The following NUP210L variants were observed in gnomAD, a reference collection of about 807,000 sequenced individuals.
NUP210L encodes nucleoporin 210 like, also known as nuclear pore membrane glycoprotein 210-like.
Under a neutral mutation model 208.5 loss-of-function variants are expected in NUP210L, and 74 were observed. The ratio of observed to expected loss-of-function variants is 0.35; its 90% CI spans 0.29 to 0.43. The LOEUF (loss-of-function observed/expected upper bound fraction) is 0.43. Ranked by LOEUF, NUP210L falls within the 20% of genes least tolerant of loss-of-function variation. The pLI is 1.00. For missense variants in NUP210L, 1,843 were observed against 2,289.4 expected (o/e 0.81, Z 3.98); for synonymous variants, 780 against 816.9 (o/e 0.95, Z 0.77).
intron 14 of NUP210L, among the ~76,000 whole-genome samples, chr1:154,096,489 G>C (rs1252227750): frequency 6.6e-6 from 1 of 152,128 alleles, no homozygotes; most frequent in Non-Finnish European, 1.5e-5. Flanking sequence ...GGCCAGGTGC[G>C]GTAGCTCATG....
exon 20 of NUP210L, chr1:154,060,544 A>G: frequency 6.2e-7 from 1 of 1,607,394 alleles, no homozygotes; most frequent in Non-Finnish European, 8.5e-7. Context: ...GCTCACCTCA[A>G]CAGAGCTTTC....
At chr1:154,143,607 A>T (rs2148148378) in intron 2 of NUP210L, 30 bp from the exon 3 acceptor site, 1 of 1,589,474 alleles carries the variant, frequency 6.3e-7, no homozygotes, top group African/African-American at 1.3e-5. Context: ...TGAGTATTTA[A>T]TTCAATAGGT....
chr1:154,091,739 G>A (rs1171096608), intron 15 of NUP210L, among the ~76,000 whole-genome samples: 2 of 151,484 alleles, frequency 1.3e-5, no homozygotes, highest in Admixed American at 6.6e-5. Context: ...GAACTCAAAT[G>A]ATCTGCCCGC....
Position 153,995,051 on chromosome 1 carries a change from A to G in NUP210L, c.5491+25T>C, listed in dbSNP as rs550326267. ...AAAGGCAGTTTTCATGTCAAAGTCT[A>G]TGTTATTGAATATAAGGACTCTACC... On this transcript the variant is annotated intron_variant, in intron 38 of 39. Coordinates refer to ENST00000368559, the Ensembl canonical transcript of NUP210L. 13 of 1,374,022 alleles carry G rather than the reference A, an allele frequency of 9.5e-6. No individual in the cohort carries two copies. The Admixed American group carries it at 1.6e-4, about 17-fold the overall frequency. The allele number at this position is 1,374,022 out of a possible 1,614,324, so 85.1% of individuals were successfully genotyped here.
chr1:154,050,937 G>A (rs557907437), intron 25 of NUP210L, among the ~76,000 whole-genome samples: 2 of 152,242 alleles, frequency 1.3e-5, no homozygotes, highest in African/African-American at 2.4e-5. Flanking sequence ...TGTAATTGAG[G>A]TATTGACTGC....
At chr1:153,996,424 C>T (rs987988640) in intron 37 of NUP210L, among the ~76,000 whole-genome samples, 3 of 152,068 alleles carry the variant, frequency 2.0e-5, no homozygotes, top group African/African-American at 7.2e-5. Context: ...TATCTTGAAA[C>T]ATTTTCTTTT....
At chr1:154,026,509 T>C (rs1260859398) in intron 29 of NUP210L, among the ~76,000 whole-genome samples, 3 of 151,808 alleles carry the variant, frequency 2.0e-5, no homozygotes, top group African/African-American at 7.2e-5. Context: ...CAACCACCCC[T>C]GGCTAATTTA....
chr1:154,028,206 C>T (rs1652008373), intron 28 of NUP210L, among the ~76,000 whole-genome samples: 1 of 152,088 alleles, frequency 6.6e-6, no homozygotes, highest in Non-Finnish European at 1.5e-5. Flanking sequence ...AGCTTTTAGC[C>T]CAAGAATATC....
chr1:154,139,710 G>T, intron 5 of NUP210L, 92 bp downstream of exon 5: 4 of 864,696 alleles, frequency 4.6e-6, no homozygotes, highest in Non-Finnish European at 1.8e-6. Context: ...AAAACAGGGC[G>T]GGTAGTGCAT....
intron 12 of NUP210L, 133 bp from the exon 13 acceptor site, chr1:154,104,343 C>A: frequency 1.4e-6 from 1 of 695,938 alleles, no homozygotes; most frequent in South Asian, 1.8e-5. Flanking sequence ...AATGACTATC[C>A]ATACAAGAAG....
intron 6 of NUP210L, among the ~76,000 whole-genome samples, chr1:154,136,452 A>T (rs1658551959): frequency 2.0e-5 from 3 of 151,808 alleles, no homozygotes; most frequent in Middle Eastern, 3.4e-3. Context: ...ACTCCGTCTC[A>T]AAATAAATAA....
chr1:154,063,824 G>A (rs1050628478), intron 17 of NUP210L, among the ~76,000 whole-genome samples: 3 of 151,936 alleles, frequency 2.0e-5, no homozygotes, highest in African/African-American at 7.2e-5. Context: ...ATTCAGACTT[G>A]TATTGTGAAG....
At chr1:154,100,549 G>A (rs376031558) in intron 13 of NUP210L, among the ~76,000 whole-genome samples, 85 of 114,164 alleles carry the variant, frequency 7.4e-4, no homozygotes, top group East Asian at 2.0e-3. Flanking sequence ...ATGGAGTCTC[G>A]CTCTTGTTGC....
intron 25 of NUP210L, among the ~76,000 whole-genome samples, chr1:154,052,271 T>C (rs557374095): frequency 1.3e-5 from 2 of 152,186 alleles, no homozygotes; most frequent in South Asian, 4.1e-4. Context: ...AACAGCCGAT[T>C]TGGATACCAT....
At chr1:154,105,058 G>C (rs973279219) in intron 12 of NUP210L, among the ~76,000 whole-genome samples, 3 of 152,160 alleles carry the variant, frequency 2.0e-5, no homozygotes, top group Non-Finnish European at 1.5e-5. Flanking sequence ...TAGAGCATGA[G>C]GCAGAGTCAC....
intron 27 of NUP210L, among the ~76,000 whole-genome samples, chr1:154,041,052 C>A (rs766893045): frequency 2.0e-5 from 3 of 152,074 alleles, no homozygotes; most frequent in Non-Finnish European, 4.4e-5. Context: ...GCAAACTCAA[C>A]CTCCTGGGCT....
intron 27 of NUP210L, among the ~76,000 whole-genome samples, chr1:154,043,001 C>G (rs1652976424): frequency 6.9e-6 from 1 of 144,006 alleles, no homozygotes; most frequent in African/African-American, 2.6e-5. Context: ...TGTGAGCCAC[C>G]ACACCCAGCC....
intron 9 of NUP210L, 24 bp from the exon 10 acceptor site, chr1:154,126,487 A>T (rs1003161311): frequency 1.3e-6 from 2 of 1,594,282 alleles, no homozygotes; most frequent in African/African-American, 2.7e-5. Flanking sequence ...CCACAGTAAC[A>T]CAAACCTGAA....
In NUP210L at chr1:154,023,925, T is replaced by C. The variant is rs762537128; in HGVS notation, c.4123-628A>G. Among the ~76,000 whole-genome samples, 14 of 152,066 alleles carry C rather than the reference T, an allele frequency of 9.2e-5. No homozygotes were observed. The Middle Eastern group carries it at 0.01, about 112-fold the overall frequency. ...GCCTCAGCCTCCTGAGTAGCTGAGA[T>C]TACAGGCGCCCGCCACAATGCCCGG... On this transcript the variant is annotated intron_variant, in intron 30 of 39. Transcript: ENST00000368559.
Sources: allele counts gnomAD v4.1 joint callset (sites outside exome capture counted in the v4.1 genomes callset), GRCh38; gene constraint gnomAD v4.1.1; transcripts MANE v1.5; gene names NCBI Gene and HGNC (gene_info 2026-07-23, HGNC 2026-07-21).